The following LEO1 variants were observed in gnomAD, a reference collection of about 807,000 sequenced individuals.
The protein encoded by LEO1 is RNA polymerase-associated protein LEO1.
A neutral mutation model predicts 80.4 loss-of-function variants in LEO1; 34 were observed. The observed-to-expected ratio is 0.42, with a 90% CI of 0.32 to 0.56. The LOEUF is 0.56. LEO1 is among the 20% of genes least tolerant of loss of function. LEO1 has a pLI of 0.10. For synonymous variants in LEO1, 262 were observed against 274.9 expected (o/e 0.95, Z 0.46); for missense variants, 631 against 814.2 (o/e 0.77, Z 2.74).
At chr15:51,945,275 A>AAAAAAAAAAAAAAAAAAACAAC (rs2056890284) in intron 11 of LEO1, among the ~76,000 whole-genome samples, 1 of 150,682 alleles carries the variant, frequency 6.6e-6, no homozygotes, top group African/African-American at 2.4e-5. Flanking sequence ...AAAAAAAAAA[A>AAAAAAAAAAAAAAAAAAACAAC]AAAAGCCTTA....
chr15:51,969,707 T>C (rs533919251), intron 1 of LEO1, among the ~76,000 whole-genome samples: 23 of 152,048 alleles, frequency 1.5e-4, no homozygotes, highest in Admixed American at 2.6e-4. Flanking sequence ...TAGGGTATGG[T>C]GGCAGGTGCC....
chr15:51,959,402 A>T (rs57591722), intron 5 of LEO1, among the ~76,000 whole-genome samples: 1 of 152,196 alleles, frequency 6.6e-6, no homozygotes, highest in Non-Finnish European at 1.5e-5. Flanking sequence ...CTTCTTATGT[A>T]ACTCTGCCAA....
At chr15:51,956,558 A>G (rs1481966014) in intron 6 of LEO1, among the ~76,000 whole-genome samples, 2 of 152,224 alleles carry the variant, frequency 1.3e-5, no homozygotes, top group East Asian at 3.8e-4. Context: ...TTAACCTATC[A>G]GGATGAAGGA....
At chr15:51,962,582 T>G in intron 2 of LEO1, 89 bp from the exon 3 acceptor site, 4 of 807,980 alleles carry the variant, frequency 5.0e-6, no homozygotes, top group Non-Finnish European at 8.2e-6. Flanking sequence ...AAACAAATTG[T>G]GATACAATGG....
At chr15:51,954,918 C>A in intron 6 of LEO1, 1 of 174,712 alleles carries the variant, frequency 5.7e-6, no homozygotes, top group Non-Finnish European at 1.2e-5. Context: ...AAACTTGAGT[C>A]CATGTGAGGC....
rs769207149 is a variant in LEO1 at position 51,953,230 on chromosome 15, A to G, written c.1374T>C (p.Asp458=). 3 of 1,613,996 alleles carry G rather than the reference A, an allele frequency of 1.9e-6. No homozygotes were observed. In the South Asian group the frequency reaches 3.3e-5, roughly 18 times the overall value. ...MSLHLGNEVF[D]VYKAPLQGDH... is the part of the protein sequence containing the mutation. Reference sequence around the variant, plus strand: ...CGCCCTGCAGTGGGGCTTTGTACACATCAAACACTTCATTGCCTAAATGCA... The same window carrying G: ...CGCCCTGCAGTGGGGCTTTGTACACGTCAAACACTTCATTGCCTAAATGCA... The change falls in exon 8 of 12, where the codon GAT becomes GAC. Residue 458 remains aspartate, a synonymous_variant. Transcript: ENST00000299601.
Position 51,949,956 on chromosome 15 carries a change from T to C in LEO1, c.1650A>G (p.Glu550=). 1 of 1,613,926 alleles carries C rather than the reference T, an allele frequency of 6.2e-7. No homozygotes were observed. Among genetic ancestry groups the C allele is most frequent in the Non-Finnish European group, 8.5e-7 (1 of 1,180,006 alleles). The part of the protein sequence containing the change: ...EERLRASIRR[E]SQQRRMREKQ... ...TCTCTCTCATTCGGCGCTGCTGAGA[T>C]TCCCTACGTATGGAAGCCCTCAAAC... Residue 550 remains glutamate, a synonymous_variant, in exon 10 of 12, where the codon GAA becomes GAG. Coordinates refer to ENST00000299601, the MANE Select transcript of LEO1 (RefSeq NM_138792.4).
chr15:51,950,168 A>C (rs1248413026), intron 9 of LEO1, among the ~76,000 whole-genome samples, 174 bp from the exon 10 acceptor site: 1 of 152,160 alleles, frequency 6.6e-6, no homozygotes, highest in Non-Finnish European at 1.5e-5. Context: ...GGTTTGCAGG[A>C]GCAAAGGCAA....
At position 51,947,314 on chromosome 15, in the gene LEO1, G is replaced by T. The variant is rs747688078; in HGVS notation, c.1874C>A (p.Ala625Glu). Residue 625 changes from alanine to glutamate, a missense_variant, in exon 11 of 12, where the codon GCA becomes GAA. Coordinates refer to ENST00000299601, the MANE Select transcript of LEO1 (RefSeq NM_138792.4). ...EEDKAQRLLK[A>E]KKLTSDEEGE... ...TACCTCATCACTGGTAAGTTTCTTTGCTTTGAGTAATCTTTGAGCTTTATC... is the reference window on the plus strand; with the variant it reads ...TACCTCATCACTGGTAAGTTTCTTTTCTTTGAGTAATCTTTGAGCTTTATC... 1.9e-6 allele frequency: 3 copies of T among 1,612,770 alleles called. No homozygotes were observed. The highest frequency in any genetic ancestry group is 2.2e-5 in the East Asian group (1 of 44,884).
intron 11 of LEO1, among the ~76,000 whole-genome samples, chr15:51,942,331 G>C (rs1260713399): frequency 6.6e-6 from 1 of 152,120 alleles, no homozygotes; most frequent in Non-Finnish European, 1.5e-5. Flanking sequence ...GTAACAGCTA[G>C]GTGGCCATTC....
At chr15:51,960,773 G>C (rs375246008) in intron 3 of LEO1, 40 bp from the exon 4 acceptor site, 1 of 1,158,112 alleles carries the variant, frequency 8.6e-7, no homozygotes, top group Admixed American at 1.7e-5. Context: ...GTTACTATCT[G>C]TAACTAAGGT....
At chr15:51,941,373 C>T (rs1047879155) in intron 11 of LEO1, among the ~76,000 whole-genome samples, 32 of 152,116 alleles carry the variant, frequency 2.1e-4, no homozygotes, top group Non-Finnish European at 1.3e-4. Flanking sequence ...AAAAGACAGT[C>T]CACAGTTATG....
intron 9 of LEO1, among the ~76,000 whole-genome samples, 157 bp from the exon 10 acceptor site, chr15:51,950,151 C>G (rs1254255757): frequency 6.6e-6 from 1 of 152,232 alleles, no homozygotes; most frequent in Non-Finnish European, 1.5e-5. Flanking sequence ...CAGGGACCCT[C>G]TGGTTTGGTT....
intron 8 of LEO1, 140 bp from the exon 9 acceptor site, chr15:51,952,119 T>C (rs1487588354): frequency 3.5e-6 from 2 of 578,500 alleles, no homozygotes; most frequent in East Asian, 3.1e-5. Context: ...CGACTGAATA[T>C]ACCAAGGTGG....
intron 1 of LEO1, among the ~76,000 whole-genome samples, chr15:51,968,831 A>T (rs1175342844): frequency 6.6e-6 from 1 of 152,086 alleles, no homozygotes; most frequent in Admixed American, 6.5e-5. Flanking sequence ...TCCGTCTCAA[A>T]AAAAAAAAGG....
Position 51,966,002 on chromosome 15 carries a change from G to A in LEO1, c.561C>T (p.Asn187=). 1.2e-6 allele frequency: 2 copies of A among 1,613,974 alleles called. No individual in the cohort carries two copies. The highest frequency in any genetic ancestry group is 1.7e-6 in the Non-Finnish European group (2 of 1,179,990). ...QNSDDDEKMQ[N]TDDEERPQLS... ...GCTGAGGCCTCTCCTCATCATCTGT[G>A]TTCTGCATTTTCTCATCATCGTCAG... is the stretch of plus-strand genomic sequence containing the variant. The change falls in exon 2 of 12, where the codon AAC becomes AAT. Residue 187 remains asparagine, a synonymous_variant. Transcript: ENST00000299601.
At chr15:51,965,653 AAAC>A (rs563570517) in intron 2 of LEO1, 93 bp downstream of exon 2, 12 of 1,482,284 alleles carry the variant, frequency 8.1e-6, no homozygotes, top group Non-Finnish European at 1.1e-5. Flanking sequence ...AGAAGAGAAA[AAAC>A]AGGGTAATAA....
Position 51,962,396 on chromosome 15 carries a change from C to G in LEO1, c.912G>C (p.Val304=). 6.2e-7 allele frequency: 1 copy of G among 1,603,630 alleles called. No homozygotes were observed. Among genetic ancestry groups the G allele is most frequent in the Non-Finnish European group, 8.5e-7 (1 of 1,172,034 alleles). Residue 304 remains valine, a synonymous_variant, in exon 3 of 12, where the codon GTG becomes GTC. Transcript: ENST00000299601. Reference sequence around the variant, plus strand: ...ATATAATAATAGGGATACCTTTTGGCACCTCAGTGTCACTATCCGCTTCTG... The same window carrying G: ...ATATAATAATAGGGATACCTTTTGGGACCTCAGTGTCACTATCCGCTTCTG... ...SDSEADSDTE[V]PKDNSGTMDL...
At chr15:51,940,937 A>G (rs1458819924) in intron 11 of LEO1, among the ~76,000 whole-genome samples, 1 of 152,006 alleles carries the variant, frequency 6.6e-6, no homozygotes, top group Non-Finnish European at 1.5e-5. Context: ...GTCTCTACTA[A>G]AAATACAAAA....
Sources: gnomAD v4.1 joint callset for allele counts (sites outside exome capture counted in the v4.1 genomes callset) on GRCh38, gnomAD v4.1.1 for gene constraint, MANE v1.5 for transcripts, NCBI Gene and HGNC (gene_info 2026-07-23, HGNC 2026-07-21) for gene names.